Variants in NCAM2 observed in about 807,000 individuals in gnomAD.
NCAM2 encodes the protein neural cell adhesion molecule 2.
NCAM2 carries 30 observed loss-of-function variants against 98.1 expected under a neutral mutation model. That is an observed-to-expected ratio of 0.31 (90% CI 0.23 to 0.41). The LOEUF (loss-of-function observed/expected upper bound fraction) is 0.41. Among genes scored for constraint, NCAM2 ranks in the 10% least tolerant of loss-of-function variants. NCAM2 has a pLI of 1.00. For missense variants in NCAM2, 867 were observed against 1,005.8 expected, an observed-to-expected ratio of 0.86 and a Z score of 1.87; for synonymous variants, 368 against 342.4, an observed-to-expected ratio of 1.07 and a Z score of -0.83.
At chr21:21,437,719 G>C (rs1267052817) in intron 12 of NCAM2, among the ~76,000 whole-genome samples, 1 of 151,972 alleles carries the variant, frequency 6.6e-6, no homozygotes, top group African/African-American at 2.4e-5. Context: ...TGCTCCTCTA[G>C]CTCCTGGTCT....
chr21:21,164,903 A>T (rs150092258), intron 1 of NCAM2, among the ~76,000 whole-genome samples: 2 of 152,166 alleles, frequency 1.3e-5, no homozygotes, highest in African/African-American at 2.4e-5. Context: ...AGTTTTATAC[A>T]TGCAACATGT....
chr21:21,262,448 T>C (rs1221659904), intron 1 of NCAM2, among the ~76,000 whole-genome samples: 1 of 151,998 alleles, frequency 6.6e-6, no homozygotes, highest in African/African-American at 2.4e-5. Flanking sequence ...TGAATATAGA[T>C]GCAAAAATAT....
intron 5 of NCAM2, among the ~76,000 whole-genome samples, chr21:21,310,923 AC>A (rs562060231): frequency 5.7e-4 from 87 of 152,324 alleles, no homozygotes; most frequent in African/African-American, 1.9e-3. Context: ...CAGCTTTAGA[AC>A]AGCTTTATAG....
At chr21:21,197,051 G>A (rs1601619682) in intron 1 of NCAM2, among the ~76,000 whole-genome samples, 1 of 152,282 alleles carries the variant, frequency 6.6e-6, no homozygotes, top group South Asian at 2.1e-4. Flanking sequence ...CTCCCCAGAA[G>A]CAGAAACCAC....
intron 1 of NCAM2, among the ~76,000 whole-genome samples, chr21:21,240,954 G>A (rs2071041653): frequency 6.6e-6 from 1 of 152,064 alleles, no homozygotes; most frequent in African/African-American, 2.4e-5. Flanking sequence ...GGTGTTTTAA[G>A]AACATCATTA....
intron 11 of NCAM2, 82 bp from the exon 12 acceptor site, chr21:21,432,026 T>C: frequency 1.5e-6 from 2 of 1,308,006 alleles, no homozygotes; most frequent in Non-Finnish European, 2.1e-6. Flanking sequence ...CCTTCACTCC[T>C]AGTTCTCATA....
At chr21:21,468,835 G>A in intron 14 of NCAM2, 52 bp downstream of exon 14, 2 of 1,487,834 alleles carry the variant, frequency 1.3e-6, no homozygotes, top group South Asian at 1.2e-5. Context: ...AAATTAAATT[G>A]AGTTGCACTG....
intron 4 of NCAM2, among the ~76,000 whole-genome samples, chr21:21,288,470 G>GT (rs1050073435): frequency 5.9e-5 from 9 of 151,590 alleles, no homozygotes; most frequent in African/African-American, 2.2e-4. Flanking sequence ...AATGGGTATA[G>GT]TTTAACGTGA....
chr21:21,507,611 G>A (rs1197492265), intron 15 of NCAM2, among the ~76,000 whole-genome samples: 9 of 151,854 alleles, frequency 5.9e-5, no homozygotes, highest in Non-Finnish European at 1.3e-4. Context: ...GGCTAACACG[G>A]TGAAACCCCG....
At chr21:21,130,191 G>C (rs10211971) in intron 1 of NCAM2, among the ~76,000 whole-genome samples, 17 of 152,182 alleles carry the variant, frequency 1.1e-4, no homozygotes, top group African/African-American at 3.9e-4. Flanking sequence ...TTGAATTGTT[G>C]GTTACAATTT....
At chr21:21,374,363 T>A (rs1602144333) in intron 9 of NCAM2, among the ~76,000 whole-genome samples, 1 of 152,064 alleles carries the variant, frequency 6.6e-6, no homozygotes, top group East Asian at 1.9e-4. Context: ...TTTATGATTA[T>A]GTCTCAAATA....
intron 5 of NCAM2, among the ~76,000 whole-genome samples, chr21:21,314,382 C>G (rs531770738): frequency 2.0e-5 from 3 of 151,638 alleles, no homozygotes; most frequent in African/African-American, 4.8e-5. Context: ...AATCATTCTT[C>G]TCCTATAACT....
chr21:21,305,022 A>G (rs1170770142), intron 5 of NCAM2, among the ~76,000 whole-genome samples: 4 of 152,184 alleles, frequency 2.6e-5, no homozygotes, highest in Non-Finnish European at 5.9e-5. Context: ...TACATAAATG[A>G]TAATATCACT....
intron 1 of NCAM2, among the ~76,000 whole-genome samples, chr21:21,064,374 G>T (rs1419926461): frequency 6.6e-6 from 1 of 152,200 alleles, no homozygotes; most frequent in East Asian, 1.9e-4. Context: ...AATGTGCTGG[G>T]CAGAAGGCTT....
At chr21:21,296,138 C>A (rs1298427615) in intron 5 of NCAM2, among the ~76,000 whole-genome samples, 1 of 151,730 alleles carries the variant, frequency 6.6e-6, no homozygotes, top group Admixed American at 6.6e-5. Context: ...GCATCATTTC[C>A]CTTTAGACAC....
rs2066082246 is a variant in NCAM2, at chr21:21,094,689, A to G, written c.55+96071A>G. The stretch of plus-strand genomic sequence containing the variant: ...GTATGTAGTGTTTTGAACTGTAAAA[A>G]TCATGTATATTTACAGGGATAACTT... On this transcript the variant is annotated intron_variant, in intron 1 of 17. Transcript: ENST00000400546. Among the ~76,000 whole-genome samples the G allele has an allele frequency of 1.3e-5, 2 of 151,808 alleles. 1 individual carries two copies. The highest frequency in any genetic ancestry group is 4.1e-4 in the South Asian group (2 of 4,834).
At chr21:21,221,449 T>G (rs77761892) in intron 1 of NCAM2, among the ~76,000 whole-genome samples, 152,308 of 152,308 alleles carry the variant, frequency 1, 76,154 homozygotes, top group Non-Finnish European at 1. Context: ...AGTTGGTAAT[T>G]GAAAGGAGAG....
intron 1 of NCAM2, among the ~76,000 whole-genome samples, chr21:21,093,841 C>T (rs1238106186): frequency 2.0e-5 from 3 of 151,810 alleles, no homozygotes; most frequent in African/African-American, 7.3e-5. Context: ...CCCTTTTTTC[C>T]AGTCCTTTAG....
intron 1 of NCAM2, among the ~76,000 whole-genome samples, chr21:21,224,244 C>G (rs1291614314): frequency 6.6e-6 from 1 of 151,996 alleles, no homozygotes; most frequent in African/African-American, 2.4e-5. Context: ...GAAATTTCTC[C>G]AAAAAAGAAA....
Sources: allele counts gnomAD v4.1 joint callset (sites outside exome capture counted in the v4.1 genomes callset), GRCh38; gene constraint gnomAD v4.1.1; transcripts MANE v1.5; gene names NCBI Gene and HGNC (gene_info 2026-07-23, HGNC 2026-07-21).